MIB1: variants seen among roughly 807,000 people sequenced by gnomAD.
The protein encoded by MIB1 is MIB E3 ubiquitin protein ligase 1, also known as E3 ubiquitin-protein ligase MIB1.
A neutral mutation model predicts 124.5 loss-of-function variants in MIB1; 278 were observed. The observed-to-expected ratio is 2.23, with a 90% CI of 2.02 to 2.47. The LOEUF (loss-of-function observed/expected upper bound fraction) is 2.47. MIB1 is among the 30% of genes most tolerant of loss of function. The pLI, the probability that MIB1 is intolerant of heterozygous loss-of-function variation, is 0.00. For missense variants in MIB1, 957 were observed against 1,254.4 expected (o/e 0.76, Z 3.58); for synonymous variants, 446 against 429.4 (o/e 1.04, Z -0.48).
At chr18:21,732,541 C>T (rs2040776768) in intron 1 of MIB1, among the ~76,000 whole-genome samples, 1 of 151,842 alleles carries the variant, frequency 6.6e-6, no homozygotes, top group African/African-American at 2.4e-5. Flanking sequence ...GGACCACAGG[C>T]ATGTGCTACC....
chr18:21,858,721 T>G, intron 20 of MIB1, 75 bp downstream of exon 20: 2 of 780,490 alleles, frequency 2.6e-6, no homozygotes, highest in South Asian at 3.0e-5. Flanking sequence ...CTAGTGTTTC[T>G]GTAATAAGTA....
intron 1 of MIB1, among the ~76,000 whole-genome samples, chr18:21,727,106 C>G (rs377217636): frequency 1.3e-5 from 2 of 152,100 alleles, no homozygotes; most frequent in Non-Finnish European, 2.9e-5. Flanking sequence ...TAGGAGACTT[C>G]GCAGTTCAAT....
chr18:21,801,191 C>A (rs1201975781), intron 9 of MIB1, among the ~76,000 whole-genome samples: 1 of 152,064 alleles, frequency 6.6e-6, no homozygotes, highest in Non-Finnish European at 1.5e-5. Context: ...CAGTATACCT[C>A]TGTTATAATG....
At chr18:21,805,545 T>G (rs1020613245) in intron 10 of MIB1, among the ~76,000 whole-genome samples, 6 of 152,172 alleles carry the variant, frequency 3.9e-5, no homozygotes, top group Non-Finnish European at 7.3e-5. Flanking sequence ...CTTTATTTTC[T>G]TATTATTTTA....
intron 12 of MIB1, among the ~76,000 whole-genome samples, chr18:21,831,649 C>CT (rs35046389): frequency 0.093 from 13,562 of 146,540 alleles, 646 homozygotes; most frequent in Middle Eastern, 0.15. Context: ...CTGCCCCCCA[C>CT]TTTTTTTTTT....
chr18:21,810,218 C>T (rs1278390862), intron 10 of MIB1, among the ~76,000 whole-genome samples: 1 of 151,970 alleles, frequency 6.6e-6, no homozygotes, highest in African/African-American at 2.4e-5. Context: ...TTGAAAACTA[C>T]AAAATATTGC....
At chr18:21,779,976 A>G (rs969287694) in intron 6 of MIB1, among the ~76,000 whole-genome samples, 30 of 152,044 alleles carry the variant, frequency 2.0e-4, no homozygotes, top group African/African-American at 7.0e-4. Flanking sequence ...AGAATACATT[A>G]TATCACTATT....
chr18:21,798,031 C>G (rs1164300669), intron 7 of MIB1, 53 bp from the exon 8 acceptor site: 1 of 1,562,984 alleles, frequency 6.4e-7, no homozygotes, highest in African/African-American at 1.4e-5. Flanking sequence ...TAGTGATTGA[C>G]TTTATGGTAT....
At chr18:21,864,320 A>G (rs1389204492) in intron 20 of MIB1, among the ~76,000 whole-genome samples, 1 of 152,068 alleles carries the variant, frequency 6.6e-6, no homozygotes, top group Non-Finnish European at 1.5e-5. Flanking sequence ...AGTACCTTTC[A>G]TACTATCCTG....
chr18:21,861,849 CCT>C (rs757292659), intron 20 of MIB1, among the ~76,000 whole-genome samples: 36 of 152,080 alleles, frequency 2.4e-4, no homozygotes, highest in African/African-American at 7.2e-4. Flanking sequence ...ATTACAAAGA[CCT>C]CTTGAAAATT....
At chr18:21,849,136 C>A in intron 16 of MIB1, 60 bp from the exon 17 acceptor site, 1 of 1,118,606 alleles carries the variant, frequency 8.9e-7, no homozygotes, top group Non-Finnish European at 1.3e-6. Flanking sequence ...TATTTTAAAA[C>A]ATTTTAATTA....
chr18:21,835,734 C>T (rs1425443494), intron 12 of MIB1, among the ~76,000 whole-genome samples: 1 of 148,252 alleles, frequency 6.7e-6, no homozygotes, highest in East Asian at 2.0e-4. Flanking sequence ...TGAGCTACTG[C>T]ACTCCAGCCT....
In MIB1 at chr18:21,858,879, A is replaced by G. The variant is rs1214593640; in HGVS notation, c.2880+233A>G. Among the ~76,000 whole-genome samples, 6 of 152,264 alleles carry G rather than the reference A, an allele frequency of 3.9e-5. No individual in the cohort carries two copies. In the East Asian group the frequency reaches 5.8e-4, roughly 15 times the overall value. ...AAATGGTCCAACCACATTAGTGATCAGGAAATGAAAACTAAAGCCACAAGG... is the reference window on the plus strand; with the variant it reads ...AAATGGTCCAACCACATTAGTGATCGGGAAATGAAAACTAAAGCCACAAGG... On this transcript the variant is annotated intron_variant, in intron 20 of 20. Transcript: ENST00000261537.
intron 2 of MIB1, among the ~76,000 whole-genome samples, chr18:21,767,276 G>A (rs1384723931): frequency 1.3e-5 from 2 of 152,166 alleles, no homozygotes; most frequent in Non-Finnish European, 2.9e-5. Context: ...GGAAGGGGAA[G>A]CAAACACGCC....
At chr18:21,818,201 A>G (rs1471631865) in intron 11 of MIB1, among the ~76,000 whole-genome samples, 1 of 152,206 alleles carries the variant, frequency 6.6e-6, no homozygotes, top group East Asian at 1.9e-4. Context: ...AAAATTACTC[A>G]TGCCTCACTC....
intron 12 of MIB1, chr18:21,829,238 A>G (rs931854980): frequency 3.0e-6 from 1 of 334,234 alleles, no homozygotes; most frequent in South Asian, 2.4e-5. Flanking sequence ...TACCTGAAGC[A>G]TGGCATTAAT....
chr18:21,815,456 T>G (rs1224750210), intron 10 of MIB1, among the ~76,000 whole-genome samples, 160 bp from the exon 11 acceptor site: 2 of 152,220 alleles, frequency 1.3e-5, no homozygotes, highest in African/African-American at 4.8e-5. Context: ...GTGCTGGGAT[T>G]ACAGGCATGA....
intron 1 of MIB1, among the ~76,000 whole-genome samples, chr18:21,706,492 T>A (rs1449215265): frequency 1.3e-5 from 2 of 152,114 alleles, no homozygotes; most frequent in Non-Finnish European, 2.9e-5. Context: ...GCCAGCTCCC[T>A]CTGCTTGCAG....
intron 5 of MIB1, among the ~76,000 whole-genome samples, chr18:21,778,609 G>C (rs1203254268): frequency 6.6e-6 from 1 of 151,824 alleles, no homozygotes; most frequent in Non-Finnish European, 1.5e-5. Flanking sequence ...AAAAAAAAGG[G>C]AACAAGAAAA....
Sources: allele counts gnomAD v4.1 joint callset (sites outside exome capture counted in the v4.1 genomes callset), GRCh38; gene constraint gnomAD v4.1.1; transcripts MANE v1.5; gene names NCBI Gene and HGNC (gene_info 2026-07-23, HGNC 2026-07-21).